RAB3C: variants seen among roughly 807,000 people sequenced by gnomAD.
RAB3C encodes ras-related protein Rab-3C.
A neutral mutation model predicts 26.4 loss-of-function variants in RAB3C; 17 were observed. The ratio of observed to expected loss-of-function variants is 0.64; its 90% CI spans 0.44 to 0.97. RAB3C has a LOEUF of 0.97. Ranked by LOEUF, RAB3C falls within the 50% of genes least tolerant of loss-of-function variation. The probability of loss-of-function intolerance (pLI) is 0.00; values close to 1 mark genes in which losing one functional copy is unlikely to be tolerated. For missense variants in RAB3C, 242 were observed against 281.9 expected (o/e 0.86, Z 1.01); for synonymous variants, 91 against 95.9 (o/e 0.95, Z 0.30).
At chr5:58,671,713 G>A (rs533158092) in intron 2 of RAB3C, among the ~76,000 whole-genome samples, 30 of 152,164 alleles carry the variant, frequency 2.0e-4, no homozygotes, top group South Asian at 8.3e-4. Flanking sequence ...GGAAAGTTTC[G>A]GTTGTTATTT....
intron 3 of RAB3C, among the ~76,000 whole-genome samples, chr5:58,737,394 A>AATATAT (rs55691242): frequency 7.8e-5 from 3 of 38,270 alleles, no homozygotes; most frequent in Non-Finnish European, 1.9e-4. Flanking sequence ...CACCCTATGA[A>AATATAT]ATATATATAT....
At chr5:58,743,556 TC>T (rs1741326344) in intron 3 of RAB3C, among the ~76,000 whole-genome samples, 1 of 152,010 alleles carries the variant, frequency 6.6e-6, no homozygotes, top group East Asian at 1.9e-4. Context: ...ATGCTCTCCC[TC>T]CCCCTTGGCC....
intron 2 of RAB3C, among the ~76,000 whole-genome samples, chr5:58,674,876 T>G (rs544041952): frequency 9.9e-5 from 15 of 152,020 alleles, no homozygotes; most frequent in African/African-American, 3.1e-4. Flanking sequence ...AAAAAGGTCT[T>G]TATAAACCTG....
At chr5:58,664,363 A>C (rs1465300572) in intron 2 of RAB3C, among the ~76,000 whole-genome samples, 2 of 152,202 alleles carry the variant, frequency 1.3e-5, no homozygotes, top group African/African-American at 4.8e-5. Context: ...TGAAAAGGCC[A>C]ATCTCCAAAG....
chr5:58,787,493 T>C (rs1450551715), intron 3 of RAB3C, among the ~76,000 whole-genome samples: 2 of 152,222 alleles, frequency 1.3e-5, no homozygotes, highest in Admixed American at 6.5e-5. Flanking sequence ...AGAATGTGTT[T>C]TGTCTATATA....
chr5:58,625,648 G>C (rs541665570), intron 2 of RAB3C, among the ~76,000 whole-genome samples: 9 of 152,020 alleles, frequency 5.9e-5, no homozygotes, highest in Non-Finnish European at 1.3e-4. Flanking sequence ...CACGAGGTCA[G>C]GAGTTTGAGA....
chr5:58,776,538 G>A (rs1742146349), intron 3 of RAB3C, among the ~76,000 whole-genome samples: 1 of 152,044 alleles, frequency 6.6e-6, no homozygotes, highest in African/African-American at 2.4e-5. Context: ...GGGTGCCCCT[G>A]TTTTACCTCA....
chr5:58,783,809 A>G (rs958962385), intron 3 of RAB3C, among the ~76,000 whole-genome samples: 1 of 152,180 alleles, frequency 6.6e-6, no homozygotes, highest in Non-Finnish European at 1.5e-5. Context: ...TGTTTTTAAG[A>G]TTTCCTAAGC....
At chr5:58,634,409 AT>A (rs1440893265) in intron 2 of RAB3C, among the ~76,000 whole-genome samples, 1 of 152,220 alleles carries the variant, frequency 6.6e-6, no homozygotes, top group Non-Finnish European at 1.5e-5. Flanking sequence ...AATCAGCTCC[AT>A]TCTAGAGGCT....
chr5:58,795,429 T>A (rs1042145027), intron 3 of RAB3C, among the ~76,000 whole-genome samples: 24 of 152,174 alleles, frequency 1.6e-4, no homozygotes, highest in Admixed American at 7.2e-4. Context: ...TCACCTGGCA[T>A]TTGTCCCCTC....
chr5:58,731,609 G>C (rs559828168), intron 3 of RAB3C, among the ~76,000 whole-genome samples: 1 of 152,148 alleles, frequency 6.6e-6, no homozygotes, highest in Admixed American at 6.5e-5. Context: ...AACATGGAGG[G>C]TGTTGGGATT....
intron 2 of RAB3C, among the ~76,000 whole-genome samples, chr5:58,661,182 TTAAAG>T (rs1297872791): frequency 6.7e-6 from 1 of 150,320 alleles, no homozygotes; most frequent in Non-Finnish European, 1.5e-5. Flanking sequence ...AGAATATATC[TTAAAG>T]TATAGTCATG....
At chr5:58,683,597 GT>G (rs1561288219) in intron 2 of RAB3C, among the ~76,000 whole-genome samples, 1 of 152,122 alleles carries the variant, frequency 6.6e-6, no homozygotes, top group Admixed American at 6.5e-5. Context: ...ACTTTCTATA[GT>G]TTCAGTTACC....
At chr5:58,629,212 C>T (rs1403639639) in intron 2 of RAB3C, among the ~76,000 whole-genome samples, 1 of 151,764 alleles carries the variant, frequency 6.6e-6, no homozygotes, top group Non-Finnish European at 1.5e-5. Flanking sequence ...GTCAATTACC[C>T]ATTTGTATTT....
chr5:58,769,188 G>A (rs1040353904), intron 3 of RAB3C, among the ~76,000 whole-genome samples: 3 of 152,114 alleles, frequency 2.0e-5, no homozygotes, highest in African/African-American at 7.2e-5. Context: ...GGCAGGAAGA[G>A]TCCAGGGGTG....
At chr5:58,764,332 C>G (rs908256100) in intron 3 of RAB3C, among the ~76,000 whole-genome samples, 3 of 152,192 alleles carry the variant, frequency 2.0e-5, no homozygotes, top group African/African-American at 7.2e-5. Flanking sequence ...ATGTACTCAG[C>G]TGGGCCAAGA....
At chr5:58,826,411 G>A (rs754290453) in intron 4 of RAB3C, among the ~76,000 whole-genome samples, 2 of 152,152 alleles carry the variant, frequency 1.3e-5, no homozygotes, top group Non-Finnish European at 2.9e-5. Flanking sequence ...CTAGCAGAAA[G>A]TTGCAGAACT....
At chr5:58,758,007 T>C (rs1741712534) in intron 3 of RAB3C, among the ~76,000 whole-genome samples, 1 of 152,204 alleles carries the variant, frequency 6.6e-6, no homozygotes, top group South Asian at 2.1e-4. Flanking sequence ...AGTGGTGCGA[T>C]CTCAGCTCAC....
At chr5:58,751,250 C>T (rs1001871899) in intron 3 of RAB3C, among the ~76,000 whole-genome samples, 4 of 152,188 alleles carry the variant, frequency 2.6e-5, no homozygotes, top group Admixed American at 6.5e-5. Context: ...TCATAGTTAT[C>T]GCAGTTGAGA....
Sources: allele counts gnomAD v4.1 joint callset (sites outside exome capture counted in the v4.1 genomes callset), GRCh38; gene constraint gnomAD v4.1.1; transcripts MANE v1.5; gene names NCBI Gene and HGNC (gene_info 2026-07-23, HGNC 2026-07-21).